The following GRID1 variants were observed in gnomAD, a reference collection of about 807,000 sequenced individuals.
GRID1 encodes glutamate ionotropic receptor delta type subunit 1, also known as glutamate receptor ionotropic, delta-1.
A neutral mutation model predicts 98.0 loss-of-function variants in GRID1; 28 were observed. That is an observed-to-expected ratio of 0.29 (90% CI 0.21 to 0.39). The LOEUF (loss-of-function observed/expected upper bound fraction) is 0.39, where lower values mean the gene tolerates loss of function less well. Ranked by LOEUF, GRID1 falls within the 10% of genes least tolerant of loss-of-function variation. The pLI is 1.00. For synonymous variants in GRID1, 553 were observed against 538.5 expected, an observed-to-expected ratio of 1.03 and a Z score of -0.37; for missense variants, 1,111 against 1,340.5, an observed-to-expected ratio of 0.83 and a Z score of 2.67.
intron 4 of GRID1, among the ~76,000 whole-genome samples, chr10:85,956,062 G>A (rs2131846243): frequency 6.6e-6 from 1 of 152,298 alleles, no homozygotes; most frequent in Non-Finnish European, 1.5e-5. Flanking sequence ...TCCTGATGTG[G>A]TTACTCAGGG....
intron 4 of GRID1, among the ~76,000 whole-genome samples, chr10:86,064,506 C>T (rs1843693360): frequency 6.6e-6 from 1 of 152,230 alleles, no homozygotes; most frequent in South Asian, 2.1e-4. Context: ...GGCACAGTGC[C>T]TGCCTCAGTG....
intron 5 of GRID1, among the ~76,000 whole-genome samples, chr10:85,900,380 C>T (rs1841364710): frequency 6.6e-6 from 1 of 152,226 alleles, no homozygotes; most frequent in Admixed American, 6.5e-5. Context: ...CATCTGAATC[C>T]ACCAGAATCC....
chr10:85,915,021 A>G (rs1399204214), intron 5 of GRID1, among the ~76,000 whole-genome samples: 2 of 152,170 alleles, frequency 1.3e-5, no homozygotes, highest in Non-Finnish European at 2.9e-5. Flanking sequence ...TGCAGCGTGG[A>G]GGAGGCCAGG....
At chr10:86,219,637 G>A (rs1183699568) in intron 2 of GRID1, among the ~76,000 whole-genome samples, 1 of 152,216 alleles carries the variant, frequency 6.6e-6, no homozygotes, top group Non-Finnish European at 1.5e-5. Flanking sequence ...GGAGAGAGCT[G>A]GGGTGAAGCT....
chr10:85,919,219 C>A (rs529794428), intron 4 of GRID1, among the ~76,000 whole-genome samples: 58 of 152,282 alleles, frequency 3.8e-4, no homozygotes, highest in Non-Finnish European at 6.9e-4. Context: ...CAGGTGGGAG[C>A]CTTGGCCACC....
At chr10:86,146,234 TG>T (rs1564689569) in intron 3 of GRID1, among the ~76,000 whole-genome samples, 4 of 152,226 alleles carry the variant, frequency 2.6e-5, no homozygotes, top group Non-Finnish European at 5.9e-5. Context: ...AAAGTGTTTT[TG>T]GATTATTGGC....
chr10:85,979,082 A>T (rs568302667), intron 4 of GRID1, among the ~76,000 whole-genome samples: 1 of 152,272 alleles, frequency 6.6e-6, no homozygotes, highest in East Asian at 1.9e-4. Context: ...GCCTGTGAGC[A>T]TAATAAAGGC....
At chr10:85,957,229 T>C (rs1842206579) in intron 4 of GRID1, among the ~76,000 whole-genome samples, 1 of 152,164 alleles carries the variant, frequency 6.6e-6, no homozygotes, top group Non-Finnish European at 1.5e-5. Flanking sequence ...AGCCAGACCA[T>C]ATCACACTGC....
At chr10:86,065,687 T>C (rs1843710474) in intron 4 of GRID1, among the ~76,000 whole-genome samples, 1 of 152,226 alleles carries the variant, frequency 6.6e-6, no homozygotes, top group South Asian at 2.1e-4. Flanking sequence ...GGTGATTATT[T>C]ATACCCCTCT....
At chr10:85,984,520 T>TGGGC (rs1842586192) in intron 4 of GRID1, among the ~76,000 whole-genome samples, 2 of 152,128 alleles carry the variant, frequency 1.3e-5, no homozygotes, top group Non-Finnish European at 2.9e-5. Context: ...GCAGGTGGAA[T>TGGGC]GGGCCTGTGT....
At chr10:86,029,892 T>G (rs1042000633) in intron 4 of GRID1, among the ~76,000 whole-genome samples, 18 of 152,174 alleles carry the variant, frequency 1.2e-4, no homozygotes, top group African/African-American at 3.4e-4. Flanking sequence ...CAGAGGGAAA[T>G]TCTATATCTT....
intron 15 of GRID1, among the ~76,000 whole-genome samples, chr10:85,611,546 A>G (rs1196391095): frequency 1.3e-5 from 2 of 152,242 alleles, no homozygotes; most frequent in Non-Finnish European, 2.9e-5. Context: ...GACTTAGGGA[A>G]AACAAGCAAA....
At chr10:85,677,898 T>C (rs1445070106) in intron 12 of GRID1, among the ~76,000 whole-genome samples, 1 of 152,108 alleles carries the variant, frequency 6.6e-6, no homozygotes, top group East Asian at 1.9e-4. Flanking sequence ...AGTGAGTTCA[T>C]AGAGTGTATC....
At chr10:86,119,046 GA>G (rs1212015149) in intron 4 of GRID1, among the ~76,000 whole-genome samples, 1 of 152,108 alleles carries the variant, frequency 6.6e-6, no homozygotes, top group Non-Finnish European at 1.5e-5. Context: ...TAAAAACTAA[GA>G]AAATATAGGC....
intron 3 of GRID1, among the ~76,000 whole-genome samples, chr10:86,169,464 C>A (rs1424215642): frequency 6.6e-6 from 1 of 152,192 alleles, no homozygotes; most frequent in African/African-American, 2.4e-5. Context: ...ACGCCAGCTT[C>A]CAGCATGCCC....
At chr10:86,053,884 GCA>G (rs930949373) in intron 4 of GRID1, among the ~76,000 whole-genome samples, 4 of 152,122 alleles carry the variant, frequency 2.6e-5, no homozygotes, top group Non-Finnish European at 5.9e-5. Flanking sequence ...ACACACGTGT[GCA>G]CACATGCACA....
At chr10:85,677,216 TAA>T (rs1392547381) in intron 12 of GRID1, among the ~76,000 whole-genome samples, 1 of 152,184 alleles carries the variant, frequency 6.6e-6, no homozygotes, top group African/African-American at 2.4e-5. Context: ...GGATAAGAGA[TAA>T]AGTGGGACTC....
chr10:86,236,464 T>C (rs1041038598), intron 2 of GRID1, among the ~76,000 whole-genome samples: 1 of 152,166 alleles, frequency 6.6e-6, no homozygotes, highest in African/African-American at 2.4e-5. Flanking sequence ...ACCACTACCA[T>C]CACTGTCCCC....
At chr10:86,209,670 A>G (rs899577924) in intron 2 of GRID1, among the ~76,000 whole-genome samples, 1 of 152,232 alleles carries the variant, frequency 6.6e-6, no homozygotes, top group African/African-American at 2.4e-5. Context: ...ATAATCTTAA[A>G]CAGCAATTGT....
Sources: gnomAD v4.1 joint callset for allele counts (sites outside exome capture counted in the v4.1 genomes callset) on GRCh38, gnomAD v4.1.1 for gene constraint, MANE v1.5 for transcripts, NCBI Gene and HGNC (gene_info 2026-07-23, HGNC 2026-07-21) for gene names.